HADHB: variants seen among roughly 807,000 people sequenced by gnomAD.
The protein encoded by HADHB is hydroxyacyl-CoA dehydrogenase trifunctional multienzyme complex subunit beta, also known as trifunctional enzyme subunit beta, mitochondrial.
In HADHB, 50 loss-of-function variants were observed where a neutral mutation model predicts 61.9. The ratio of observed to expected loss-of-function variants is 0.81; its 90% CI spans 0.64 to 1.02. HADHB has a LOEUF of 1.02. Among genes scored for constraint, HADHB ranks in the 50% least tolerant of loss-of-function variants. The probability of loss-of-function intolerance (pLI) is 0.00; values close to 1 mark genes in which losing one functional copy is unlikely to be tolerated. For missense variants in HADHB, 504 were observed against 586.5 expected, an observed-to-expected ratio of 0.86 and a Z score of 1.45; for synonymous variants, 191 against 201.6, an observed-to-expected ratio of 0.95 and a Z score of 0.45.
intron 10 of HADHB, 72 bp downstream of exon 10, chr2:26,280,187 TA>T (rs1270529082): frequency 4.1e-6 from 5 of 1,233,816 alleles, no homozygotes; most frequent in African/African-American, 1.5e-5. Context: ...AAGCCTAATA[TA>T]ACTTTTTGTG....
rs140075040 is a variant in HADHB, at chr2:26,246,078, T to G, written c.-9+1088T>G. 4.0e-3 allele frequency among the ~76,000 whole-genome samples: 612 copies of G among 152,284 alleles called. 6 individuals are homozygous for G. The highest frequency in any genetic ancestry group is 0.01 in the Middle Eastern group (3 of 294). On this transcript the variant is annotated intron_variant, in intron 1 of 15. Transcript: ENST00000317799. ...AGTGAGTGCTCATCATGTGAGCACT[T>G]TAAGCAGAAACTGGATGACCTGACC... is the stretch of plus-strand genomic sequence containing the variant.
At chr2:26,285,044 G>C in intron 14 of HADHB, 87 bp downstream of exon 14, 1 of 772,600 alleles carries the variant, frequency 1.3e-6, no homozygotes, top group Non-Finnish European at 2.3e-6. Flanking sequence ...AATATGAAGG[G>C]AAAGCTTCTC....
At chr2:26,246,012 A>G (rs902539073) in intron 1 of HADHB, among the ~76,000 whole-genome samples, 1 of 152,188 alleles carries the variant, frequency 6.6e-6, no homozygotes, top group Non-Finnish European at 1.5e-5. Flanking sequence ...ATGAGTATAG[A>G]GACAGAGTAG....
chr2:26,270,030 T>G (rs1397099265), intron 5 of HADHB, 33 bp downstream of exon 5: 1 of 1,433,096 alleles, frequency 7.0e-7, no homozygotes, highest in South Asian at 1.1e-5. Flanking sequence ...CCGTTCTTAT[T>G]TCATTAAAGG....
chr2:26,252,379 TTTG>T (rs1447683705), intron 1 of HADHB, among the ~76,000 whole-genome samples: 1 of 152,180 alleles, frequency 6.6e-6, no homozygotes, highest in Non-Finnish European at 1.5e-5. Flanking sequence ...GTTTTGATTT[TTTG>T]TTGTTGTTGT....
intron 3 of HADHB, among the ~76,000 whole-genome samples, chr2:26,260,271 G>A (rs1250885994): frequency 3.3e-5 from 5 of 151,702 alleles, no homozygotes; most frequent in Admixed American, 6.6e-5. Flanking sequence ...TAGTAGAGAC[G>A]GGGTTTCACC....
intron 1 of HADHB, among the ~76,000 whole-genome samples, chr2:26,246,871 T>C (rs1671185874): frequency 6.6e-6 from 1 of 152,334 alleles, no homozygotes; most frequent in South Asian, 2.1e-4. Flanking sequence ...TCACCATCTC[T>C]ACTGGTAATA....
chr2:26,257,410 A>G (rs1671672215), intron 3 of HADHB, among the ~76,000 whole-genome samples: 1 of 149,766 alleles, frequency 6.7e-6, no homozygotes, highest in Middle Eastern at 3.9e-3. Context: ...ATGAGCCACC[A>G]CACCCGGCCA....
chr2:26,284,258 C>G, intron 13 of HADHB, 54 bp downstream of exon 13: 1 of 988,364 alleles, frequency 1.0e-6, no homozygotes, highest in Non-Finnish European at 1.6e-6. Context: ...AAAATGTCAT[C>G]CATATTTGTG....
At chr2:26,280,904 G>A (rs1243110204) in intron 10 of HADHB, among the ~76,000 whole-genome samples, 3 of 137,340 alleles carry the variant, frequency 2.2e-5, no homozygotes, top group Admixed American at 7.3e-5. Context: ...AAAGGGAATA[G>A]CAAATGCAAA....
At chr2:26,278,486 AAACTT>A in intron 7 of HADHB, 123 bp from the exon 8 acceptor site, 1 of 807,138 alleles carries the variant, frequency 1.2e-6, no homozygotes, top group Admixed American at 2.2e-5. Flanking sequence ...GAAAAGTTGA[AAACTT>A]TAATTACAGA....
chr2:26,254,285 C>A lies in HADHB; in HGVS notation c.31C>A (p.Leu11Ile). 6.5e-7 allele frequency: 1 copy of A among 1,531,078 alleles called. No homozygotes were observed. The highest frequency in any genetic ancestry group is 9.1e-7 in the Non-Finnish European group (1 of 1,104,660). 94.8% of individuals were successfully genotyped at this position (1,531,078 alleles called of 1,614,324 possible). MTILTYPFKN[L>I]PTASKWALRF... is the part of the protein sequence containing the mutation. ...TATCTTGACTTACCCCTTTAAAAAT[C>A]TTCCCACTGCATCAAAATGGGCCCT... The change falls in exon 2 of 16, where the codon CTT (leucine) becomes ATT (isoleucine). Residue 11 changes from leucine to isoleucine, a missense_variant. Coordinates refer to ENST00000317799, the MANE Select transcript of HADHB (RefSeq NM_000183.3).
At position 26,273,635 on chromosome 2, in the gene HADHB, G is replaced by T; in HGVS notation, c.255-16G>T. The T allele has an allele frequency of 7.1e-7, 1 of 1,418,406 alleles. No individual in the cohort carries two copies. The highest frequency in any genetic ancestry group is 1.0e-6 in the Non-Finnish European group (1 of 1,001,546). 87.9% of individuals were successfully genotyped at this position (1,418,406 alleles called of 1,614,324 possible). ...GATGTGTGAAATGTTTCTTTGCTTT[G>T]GATTTCTACTTCCAGGGGTTTGTTG... is the stretch of plus-strand genomic sequence containing the variant. On this transcript the variant is annotated splice_polypyrimidine_tract_variant and intron_variant, in intron 5 of 15. Coordinates refer to ENST00000317799, the MANE Select transcript of HADHB (RefSeq NM_000183.3).
chr2:26,276,240 A>T (rs1411963465), intron 6 of HADHB, among the ~76,000 whole-genome samples: 1 of 152,206 alleles, frequency 6.6e-6, no homozygotes, highest in Admixed American at 6.5e-5. Flanking sequence ...GGCCATTTTT[A>T]AAAGATTAAT....
intron 3 of HADHB, 53 bp from the exon 4 acceptor site, chr2:26,263,327 C>T: frequency 7.7e-6 from 8 of 1,041,000 alleles, no homozygotes; most frequent in South Asian, 2.8e-5. Flanking sequence ...TAAAAGTCAT[C>T]AGACTTTATA....
chr2:26,286,688 T>G (rs1445969078), intron 15 of HADHB, among the ~76,000 whole-genome samples: 1 of 151,558 alleles, frequency 6.6e-6, no homozygotes, highest in Admixed American at 6.6e-5. Flanking sequence ...GTATTTTTAG[T>G]AGAGACGGGG....
chr2:26,255,528 A>C (rs1671574754), intron 3 of HADHB, among the ~76,000 whole-genome samples: 1 of 151,446 alleles, frequency 6.6e-6, no homozygotes, highest in Non-Finnish European at 1.5e-5. Flanking sequence ...AGAAAGAAAA[A>C]ATCCTGGGAT....
intron 1 of HADHB, among the ~76,000 whole-genome samples, chr2:26,252,535 C>A (rs1671441517): frequency 6.6e-6 from 1 of 152,142 alleles, no homozygotes. Context: ...GGATTTTATA[C>A]TGATACAAGG....
chr2:26,283,396 C>G (rs374446403), intron 12 of HADHB, among the ~76,000 whole-genome samples: 1 of 151,872 alleles, frequency 6.6e-6, no homozygotes, highest in Non-Finnish European at 1.5e-5. Flanking sequence ...TGGTGGCGGG[C>G]GCCTGTAGTC....
Sources: gnomAD v4.1 joint callset for allele counts (sites outside exome capture counted in the v4.1 genomes callset) on GRCh38, gnomAD v4.1.1 for gene constraint, MANE v1.5 for transcripts, NCBI Gene and HGNC (gene_info 2026-07-23, HGNC 2026-07-21) for gene names.